MYO1E: variants seen among roughly 807,000 people sequenced by gnomAD.
MYO1E encodes unconventional myosin-Ie.
A neutral mutation model predicts 151.1 loss-of-function variants in MYO1E; 68 were observed. The ratio of observed to expected loss-of-function variants is 0.45; its 90% CI spans 0.37 to 0.55. The LOEUF (loss-of-function observed/expected upper bound fraction) is 0.55, where lower values mean the gene tolerates loss of function less well. Ranked by LOEUF, MYO1E falls within the 20% of genes least tolerant of loss-of-function variation. The probability of loss-of-function intolerance (pLI) is 0.00; values close to 1 mark genes in which losing one functional copy is unlikely to be tolerated. For missense variants in MYO1E, 1,363 were observed against 1,389.3 expected (o/e 0.98, Z 0.30); for synonymous variants, 601 against 501.7 (o/e 1.20, Z -2.64).
Position 59,139,467 on chromosome 15 carries a change from C to T in MYO1E, c.3081-1100G>A, listed in dbSNP as rs147998608. 3.1e-4 allele frequency among the ~76,000 whole-genome samples: 46 copies of T among 146,886 alleles called. 1 individual carries two copies. Among genetic ancestry groups the T allele is most frequent in the African/African-American group, 1.0e-3 (40 of 38,976 alleles). On this transcript the variant is annotated intron_variant, in intron 26 of 27. Transcript: ENST00000288235. The stretch of plus-strand genomic sequence containing the variant: ...TATTACTCCTCACTTTCCTTTCACC[C>T]GCTCATTACTCTGCAGACTTCTTTC...
chr15:59,147,671 T>C (rs2079450176), intron 26 of MYO1E, among the ~76,000 whole-genome samples: 1 of 151,310 alleles, frequency 6.6e-6, no homozygotes, highest in African/African-American at 2.4e-5. Flanking sequence ...CAGAAGGAGT[T>C]TGTGACTTTT....
chr15:59,278,310 C>T (rs919246205), intron 1 of MYO1E, among the ~76,000 whole-genome samples: 7 of 152,178 alleles, frequency 4.6e-5, no homozygotes, highest in African/African-American at 1.7e-4. Context: ...CATATTCTTA[C>T]GGTGAACAAT....
chr15:59,292,718 A>C (rs868623017), intron 1 of MYO1E, among the ~76,000 whole-genome samples: 25 of 152,210 alleles, frequency 1.6e-4, no homozygotes, highest in Non-Finnish European at 3.1e-4. Context: ...TCTCAACTGA[A>C]CTGCGACAGT....
chr15:59,327,375 G>A (rs1397939156), intron 1 of MYO1E, among the ~76,000 whole-genome samples: 4 of 151,656 alleles, frequency 2.6e-5, no homozygotes, highest in East Asian at 1.9e-4. Flanking sequence ...CACCCAGGCT[G>A]GAGTGCAGTG....
chr15:59,269,582 G>A (rs1376598783), intron 2 of MYO1E, among the ~76,000 whole-genome samples: 1 of 152,230 alleles, frequency 6.6e-6, no homozygotes. Flanking sequence ...AAGCTGCTGG[G>A]CGCAGTGGCT....
chr15:59,158,392 A>T lies in MYO1E; in HGVS notation c.2786-13T>A. 2 of 1,545,164 alleles carry T rather than the reference A, an allele frequency of 1.3e-6. No homozygotes were observed. Among genetic ancestry groups the T allele is most frequent in the Non-Finnish European group, 1.8e-6 (2 of 1,140,462 alleles). On this transcript the variant is annotated splice_polypyrimidine_tract_variant and intron_variant, in intron 24 of 27. Coordinates refer to ENST00000288235, the MANE Select transcript of MYO1E (RefSeq NM_004998.4). Reference sequence around the variant, plus strand: ...CTTCTGGTAGGACCTGAAATAAACAAGACAAAGTTAAAACCAGTGCTACTG... The same window carrying T: ...CTTCTGGTAGGACCTGAAATAAACATGACAAAGTTAAAACCAGTGCTACTG...
intron 1 of MYO1E, among the ~76,000 whole-genome samples, chr15:59,361,932 G>A (rs1396018345): frequency 1.3e-5 from 2 of 152,034 alleles, no homozygotes; most frequent in Non-Finnish European, 2.9e-5. Context: ...CTCCTCCTGG[G>A]TTCAAACGAT....
intron 1 of MYO1E, among the ~76,000 whole-genome samples, chr15:59,288,375 C>T (rs893106521): frequency 9.2e-5 from 14 of 152,096 alleles, no homozygotes; most frequent in Non-Finnish European, 1.8e-4. Flanking sequence ...GGGGGTCTCA[C>T]TATGTTGCCC....
intron 18 of MYO1E, among the ~76,000 whole-genome samples, chr15:59,183,885 G>A (rs1462450896): frequency 5.3e-5 from 8 of 152,138 alleles, no homozygotes; most frequent in Admixed American, 5.2e-4. Flanking sequence ...ATCTTGATGA[G>A]CTCAATTATT....
chr15:59,255,748 G>A (rs1226772518), intron 4 of MYO1E, among the ~76,000 whole-genome samples: 2 of 152,148 alleles, frequency 1.3e-5, no homozygotes, highest in African/African-American at 4.8e-5. Context: ...GAAAGTTTAC[G>A]AATTTGCTTT....
intron 1 of MYO1E, among the ~76,000 whole-genome samples, chr15:59,317,654 T>C (rs2080597750): frequency 6.6e-6 from 1 of 152,094 alleles, no homozygotes; most frequent in Non-Finnish European, 1.5e-5. Context: ...GGAATTTCTG[T>C]TCTTCGGAAC....
chr15:59,228,996 C>G (rs1000988133), intron 6 of MYO1E, among the ~76,000 whole-genome samples: 3 of 152,184 alleles, frequency 2.0e-5, no homozygotes, highest in African/African-American at 7.2e-5. Flanking sequence ...AGAGAACCAC[C>G]AGCCATCGCT....
intron 1 of MYO1E, among the ~76,000 whole-genome samples, chr15:59,287,643 C>T (rs1336799914): frequency 3.9e-5 from 6 of 152,194 alleles, no homozygotes; most frequent in African/African-American, 7.2e-5. Context: ...AAATGGATTC[C>T]TGGTCCAGCC....
At chr15:59,328,107 G>A (rs1360731162) in intron 1 of MYO1E, among the ~76,000 whole-genome samples, 1 of 152,236 alleles carries the variant, frequency 6.6e-6, no homozygotes, top group African/African-American at 2.4e-5. Flanking sequence ...TCTCAAAGGA[G>A]ATGGGGCTGG....
chr15:59,304,537 G>T (rs185289718), intron 1 of MYO1E, among the ~76,000 whole-genome samples: 9 of 152,252 alleles, frequency 5.9e-5, no homozygotes, highest in Admixed American at 5.9e-4. Context: ...AATTATTTAG[G>T]TATGACACAA....
At chr15:59,275,659 G>C (rs1194179762) in intron 1 of MYO1E, among the ~76,000 whole-genome samples, 1 of 152,204 alleles carries the variant, frequency 6.6e-6, no homozygotes, top group Non-Finnish European at 1.5e-5. Context: ...GGCAAAGGGA[G>C]AGAGTAAAGA....
chr15:59,149,040 T>G (rs1283547088), intron 26 of MYO1E, among the ~76,000 whole-genome samples: 1 of 74,424 alleles, frequency 1.3e-5, no homozygotes, highest in Non-Finnish European at 2.9e-5. Context: ...GATGAACTGT[T>G]TTTTTTTTTT....
chr15:59,214,894 A>C (rs552173622), intron 10 of MYO1E, among the ~76,000 whole-genome samples, 174 bp from the exon 11 acceptor site: 1 of 152,358 alleles, frequency 6.6e-6, no homozygotes, highest in East Asian at 1.9e-4. Flanking sequence ...TCCAAAGTCA[A>C]GTACTTTGGA....
chr15:59,331,158 G>C (rs573319003), intron 1 of MYO1E, among the ~76,000 whole-genome samples: 1 of 152,302 alleles, frequency 6.6e-6, no homozygotes, highest in South Asian at 2.1e-4. Flanking sequence ...GACAGAGACT[G>C]TATGGTCCAC....
Sources: allele counts gnomAD v4.1 joint callset (sites outside exome capture counted in the v4.1 genomes callset), GRCh38; gene constraint gnomAD v4.1.1; transcripts MANE v1.5; gene names NCBI Gene and HGNC (gene_info 2026-07-23, HGNC 2026-07-21).